PCDH17: variants seen among roughly 807,000 people sequenced by gnomAD.
PCDH17 encodes the protein protocadherin 17, also known as protocadherin-17.
Under a neutral mutation model 67.7 loss-of-function variants are expected in PCDH17, and 21 were observed. The observed-to-expected ratio is 0.31, with a 90% confidence interval of 0.22 to 0.45. The LOEUF (loss-of-function observed/expected upper bound fraction) is 0.45, where lower values mean the gene tolerates loss of function less well. Among genes scored for constraint, PCDH17 ranks in the 20% least tolerant of loss-of-function variants. The probability of loss-of-function intolerance (pLI) is 1.00; values close to 1 mark genes in which losing one functional copy is unlikely to be tolerated. For missense variants in PCDH17, 1,471 were observed against 1,564.8 expected (o/e 0.94, Z 1.01); for synonymous variants, 701 against 656.7 (o/e 1.07, Z -1.03).
intron 3 of PCDH17, among the ~76,000 whole-genome samples, chr13:57,701,022 C>T (rs1955658394): frequency 6.6e-6 from 1 of 152,016 alleles, no homozygotes; most frequent in Admixed American, 6.6e-5. Context: ...ATAATAATAA[C>T]AGCAACAATA....
intron 3 of PCDH17, among the ~76,000 whole-genome samples, chr13:57,703,454 G>C (rs1955687885): frequency 6.6e-6 from 1 of 152,116 alleles, no homozygotes; most frequent in South Asian, 2.1e-4. Flanking sequence ...AGCAAAAGGA[G>C]ATTGGAGTAA....
intron 3 of PCDH17, among the ~76,000 whole-genome samples, chr13:57,720,869 A>G (rs569635598): frequency 2.0e-5 from 3 of 152,236 alleles, no homozygotes; most frequent in Admixed American, 6.5e-5. Context: ...GAACTAATTA[A>G]GGTTACTGCA....
intron 3 of PCDH17, among the ~76,000 whole-genome samples, chr13:57,719,423 A>G (rs1049558742): frequency 3.9e-5 from 6 of 152,056 alleles, no homozygotes; most frequent in Admixed American, 6.6e-5. Flanking sequence ...TTAAGTGTCT[A>G]TGACACAGAC....
intron 3 of PCDH17, among the ~76,000 whole-genome samples, chr13:57,695,106 G>A (rs762773459): frequency 6.6e-6 from 1 of 150,720 alleles, no homozygotes; most frequent in Non-Finnish European, 1.5e-5. Context: ...GTCTCCTACT[G>A]CCTGAAAAAA....
chr13:57,724,074 C>T (rs1052827057), intron 3 of PCDH17, among the ~76,000 whole-genome samples: 2 of 152,108 alleles, frequency 1.3e-5, no homozygotes, highest in Non-Finnish European at 2.9e-5. Context: ...TTGCCACTCT[C>T]AGTAGGAAAA....
chr13:57,674,562 A>G (rs531775349), intron 3 of PCDH17, among the ~76,000 whole-genome samples: 2 of 152,044 alleles, frequency 1.3e-5, no homozygotes, highest in South Asian at 2.1e-4. Context: ...CCTGGCTTCA[A>G]GTAATTCTTC....
chr13:57,667,749 C>CT (rs1426505022), intron 3 of PCDH17, among the ~76,000 whole-genome samples: 1 of 121,754 alleles, frequency 8.2e-6, no homozygotes, highest in Admixed American at 8.8e-5. Flanking sequence ...TAATTTTTGC[C>CT]TGTAGGGCAG....
intron 1 of PCDH17, among the ~76,000 whole-genome samples, chr13:57,659,441 C>T (rs111698732): frequency 1.6e-4 from 25 of 151,988 alleles, no homozygotes; most frequent in African/African-American, 5.3e-4. Flanking sequence ...ATACACTCAT[C>T]CAGTTACCAT....
At chr13:57,630,660 G>C (rs74936267), upstream of PCDH17, among the ~76,000 whole-genome samples, 175 of 152,336 alleles carry the variant, frequency 1.1e-3, no homozygotes, top group Non-Finnish European at 1.6e-3. Flanking sequence ...TAGAGTAAAA[G>C]TGCTGCTAGA....
chr13:57,639,861 A>C (rs1369573948), intron 1 of PCDH17, among the ~76,000 whole-genome samples: 1 of 151,896 alleles, frequency 6.6e-6, no homozygotes, highest in African/African-American at 2.4e-5. Context: ...ACCTGAATAT[A>C]CTGTTTCAGT....
chr13:57,693,338 A>ATATATATATT lies in PCDH17; in HGVS notation c.2797+26512_2797+26513insATTTATATAT, dbSNP rs1401987726. ...TTCATATATATATATATATATATAT[A>ATATATATATT]TATATATCAAGGAGTTAGGATACAA... is the stretch of plus-strand genomic sequence containing the variant. On this transcript the variant is annotated intron_variant, in intron 3 of 3. Coordinates refer to ENST00000377918, the MANE Select transcript of PCDH17 (RefSeq NM_001040429.3). Among the ~76,000 whole-genome samples, 83 of 142,124 alleles carry ATATATATATT rather than the reference A, an allele frequency of 5.8e-4. 2 individuals carry two copies. Among genetic ancestry groups the ATATATATATT allele is most frequent in the African/African-American group, 1.1e-3 (45 of 39,362 alleles). The allele number at this position is 142,124 out of a possible 152,430, so 93.2% of individuals were successfully genotyped here. A position where few individuals can be genotyped will look rare whatever the true frequency, so the allele number is the denominator to read the frequency against.
At chr13:57,685,504 G>A (rs1955496864) in intron 3 of PCDH17, among the ~76,000 whole-genome samples, 3 of 151,974 alleles carry the variant, frequency 2.0e-5, no homozygotes, top group African/African-American at 4.8e-5. Flanking sequence ...CTCAGTGGAT[G>A]TTTGTGTTTT....
chr13:57,634,053 C>T lies in PCDH17; in HGVS notation c.1507C>T (p.Gln503Ter). The change falls in exon 1 of 4, where the codon CAG becomes TAG. Residue 503 changes from glutamine (Q) to a stop codon, truncating the protein, a stop_gained. Coordinates refer to ENST00000377918, the MANE Select transcript of PCDH17 (RefSeq NM_001040429.3). LOFTEE classifies it high-confidence loss of function. The surrounding 1 kb of genome is among the most constrained non-coding windows in gnomAD (Gnocchi z 7.8). The part of the protein sequence containing the change: ...SVLAQDPDLG[Q>*]NGTVSYSILP... ...GCTCGCCCAGGATCCCGACCTGGGCCAGAACGGCACCGTATCCTACTCTAT... is the reference window on the plus strand; with the variant it reads ...GCTCGCCCAGGATCCCGACCTGGGCTAGAACGGCACCGTATCCTACTCTAT... 2 of 1,613,410 alleles carry T rather than the reference C, an allele frequency of 1.2e-6. No homozygotes were observed. The highest frequency in any genetic ancestry group is 1.7e-6 in the Non-Finnish European group (2 of 1,180,034).
At chr13:57,688,064 C>A (rs985252311) in intron 3 of PCDH17, among the ~76,000 whole-genome samples, 1 of 151,982 alleles carries the variant, frequency 6.6e-6, no homozygotes, top group African/African-American at 2.4e-5. Flanking sequence ...AAGCTTAATT[C>A]AATCATTCTC....
At chr13:57,706,588 C>G (rs769424141) in intron 3 of PCDH17, among the ~76,000 whole-genome samples, 1 of 152,138 alleles carries the variant, frequency 6.6e-6, no homozygotes, top group Non-Finnish European at 1.5e-5. Context: ...CAGAGCCATG[C>G]TCTCCATGAT....
At chr13:57,692,544 A>T (rs1230799953) in intron 3 of PCDH17, among the ~76,000 whole-genome samples, 2 of 151,390 alleles carry the variant, frequency 1.3e-5, no homozygotes, top group African/African-American at 4.8e-5. Context: ...ATATAAGAGC[A>T]TCTGGGAATG....
chr13:57,686,608 A>C (rs1955510272), intron 3 of PCDH17, among the ~76,000 whole-genome samples: 1 of 152,068 alleles, frequency 6.6e-6, no homozygotes, highest in African/African-American at 2.4e-5. Flanking sequence ...AAGTAACAGC[A>C]CTTGGCAATT....
At chr13:57,630,273 C>A (rs1431271767), upstream of PCDH17, among the ~76,000 whole-genome samples, 2 of 151,646 alleles carry the variant, frequency 1.3e-5, no homozygotes, top group Admixed American at 6.6e-5. Context: ...CTTTGAAATC[C>A]GCATATCTTT....
chr13:57,659,496 T>G (rs1426333497), intron 1 of PCDH17, among the ~76,000 whole-genome samples: 1 of 152,242 alleles, frequency 6.6e-6, no homozygotes, highest in East Asian at 1.9e-4. Context: ...AATTAAAAAC[T>G]TATAATGAGA....
Sources: gnomAD v4.1 joint callset for allele counts (sites outside exome capture counted in the v4.1 genomes callset) on GRCh38, gnomAD v4.1.1 for gene constraint, Gnocchi (gnomAD v3.1) non-coding constraint, MANE v1.5 for transcripts, NCBI Gene and HGNC (gene_info 2026-07-23, HGNC 2026-07-21) for gene names.